The following H3-3A variants were observed in gnomAD, a reference collection of about 807,000 sequenced individuals.
The protein encoded by H3-3A is H3.3 histone A.
For missense variants in H3-3A, 7 were observed against 184.0 expected, an observed-to-expected ratio of 0.04 and a Z score of 5.57; for synonymous variants, 49 against 61.4, an observed-to-expected ratio of 0.80 and a Z score of 0.95.
chr1:226,064,294 G>T, intron 1 of H3-3A, 35 bp from the exon 2 acceptor site: 1 of 1,519,854 alleles, frequency 6.6e-7, no homozygotes, highest in South Asian at 1.1e-5. Flanking sequence ...TTTGGTAGTT[G>T]CATATGGTGA....
chr1:226,066,729 T>C (rs1428036297), intron 3 of H3-3A: 1 of 152,500 alleles, frequency 6.6e-6, no homozygotes, highest in East Asian at 1.9e-4. Context: ...TAGGCACCAT[T>C]GCAGACCTGA....
intron 3 of H3-3A, among the ~76,000 whole-genome samples, chr1:226,067,873 TAGC>T (rs1200369656): frequency 2.0e-5 from 3 of 152,214 alleles, no homozygotes; most frequent in South Asian, 4.1e-4. Flanking sequence ...AACTAAAGGA[TAGC>T]AGGCAGTCCA....
intron 3 of H3-3A, chr1:226,067,110 A>G (rs776781609): frequency 6.6e-6 from 1 of 152,214 alleles, no homozygotes; most frequent in Non-Finnish European, 1.5e-5. Flanking sequence ...AGCTGCTAAT[A>G]TTTTCTAGTT....
At chr1:226,061,852 G>A (rs1444531811), upstream of H3-3A, 3 of 152,306 alleles carry the variant, frequency 2.0e-5, no homozygotes, top group Non-Finnish European at 4.4e-5. Context: ...AGAGGCCGAC[G>A]CGACACAGCC....
intron 3 of H3-3A, among the ~76,000 whole-genome samples, chr1:226,068,585 A>C (rs1024462163): frequency 6.6e-6 from 1 of 152,222 alleles, no homozygotes; most frequent in Non-Finnish European, 1.5e-5. Context: ...CACTTCTAGA[A>C]TATCTTAAGA....
At chr1:226,065,106 T>A (rs571774527) in intron 2 of H3-3A, among the ~76,000 whole-genome samples, 62 of 152,348 alleles carry the variant, frequency 4.1e-4, no homozygotes, top group African/African-American at 1.4e-3. Context: ...GACAATTACT[T>A]AGTAAAAAAA....
intron 1 of H3-3A, among the ~76,000 whole-genome samples, chr1:226,063,554 C>T (rs1303830709): frequency 6.6e-6 from 1 of 152,040 alleles, no homozygotes; most frequent in Non-Finnish European, 1.5e-5. Flanking sequence ...GGTCGGGGAG[C>T]CGAGTTGGTT....
intron 3 of H3-3A, among the ~76,000 whole-genome samples, chr1:226,069,246 C>T (rs951395643): frequency 9.2e-5 from 14 of 152,048 alleles, no homozygotes; most frequent in Non-Finnish European, 1.0e-4. Flanking sequence ...AAGGTTTCTC[C>T]GTGTTGGTCA....
upstream of H3-3A, among the ~76,000 whole-genome samples, chr1:226,062,456 G>C (rs984378683): frequency 6.6e-6 from 1 of 150,818 alleles, no homozygotes; most frequent in East Asian, 2.0e-4. Flanking sequence ...GGCAGTCTCG[G>C]CGGGAGCCGG....
upstream of H3-3A, chr1:226,062,616 G>T (rs1159220335): frequency 6.7e-6 from 1 of 150,104 alleles, no homozygotes; most frequent in Non-Finnish European, 1.5e-5. Context: ...GAGGAGCTAT[G>T]GGGGCGGGGC....
chr1:226,071,756 T>C lies in H3-3A; in HGVS notation c.*277T>C, dbSNP rs1658136521. On this transcript the variant is annotated 3_prime_UTR_variant, in exon 4 of 4. Transcript: ENST00000366815. ...TGAACAAGTTTCAGCGGTTCAACTT[T>C]ATAATAATTATAAATAAACCTGTTA... 8.8e-6 allele frequency: 2 copies of C among 226,916 alleles called. No individual in the cohort carries two copies. The highest frequency in any genetic ancestry group is 1.6e-5 in the Non-Finnish European group (2 of 121,546). The allele number at this position is 226,916 out of a possible 1,614,324, so 14.1% of individuals were successfully genotyped here.
rs941699415 is a variant in H3-3A at position 226,064,263 on chromosome 1, C to T, written c.-23-66C>T. ...TTTCCAGATTTGGGGAGGGGGTGATCGTGGCAGGAAAAGTTGTATGTTTGG... is the reference window on the plus strand; with the variant it reads ...TTTCCAGATTTGGGGAGGGGGTGATTGTGGCAGGAAAAGTTGTATGTTTGG... On this transcript the variant is annotated intron_variant, in intron 1 of 3. Coordinates refer to ENST00000366815, the MANE Select transcript of H3-3A (RefSeq NM_002107.7). 1.9e-5 allele frequency: 21 copies of T among 1,134,310 alleles called. No homozygotes were observed. In the South Asian group the frequency reaches 2.8e-4, roughly 15 times the overall value. 70.3% of individuals were successfully genotyped at this position (1,134,310 alleles called of 1,614,324 possible).
intron 3 of H3-3A, among the ~76,000 whole-genome samples, chr1:226,071,118 G>C (rs1658107440): frequency 6.6e-6 from 1 of 152,114 alleles, no homozygotes; most frequent in East Asian, 1.9e-4. Context: ...AAAGTAATTT[G>C]ATTTGTGTAA....
rs370230636 is a variant in H3-3A, at chr1:226,064,495, A to G, written c.128+16A>G. On this transcript the variant is annotated intron_variant, in intron 2 of 3. Coordinates refer to ENST00000366815, the MANE Select transcript of H3-3A (RefSeq NM_002107.7). ...ATCGTTACAGGTATTAAAAAACAGGAAAAAAATGGGACAAAGTCTCTCTTG... is the reference window on the plus strand; with the variant it reads ...ATCGTTACAGGTATTAAAAAACAGGGAAAAAATGGGACAAAGTCTCTCTTG... 144 of 1,594,146 alleles carry G rather than the reference A, an allele frequency of 9.0e-5. No individual in the cohort carries two copies. The Admixed American group carries it at 9.2e-4, about 10-fold the overall frequency.
intron 3 of H3-3A, among the ~76,000 whole-genome samples, chr1:226,070,772 CAGAAAGAA>C (rs896130655): frequency 7.1e-5 from 1 of 14,050 alleles, no homozygotes; most frequent in African/African-American, 1.3e-4. Context: ...GACTCCATCT[CAGAAAGAA>C]AGAAAGAAAT....
Position 226,065,718 on chromosome 1 carries a change from G to A in H3-3A, c.191G>A (p.Arg64His), listed in dbSNP as rs781452810. Reference protein sequence around the residue: ...RYQKSTELLIRKLPFQRLVRE... With the variant: ...RYQKSTELLIHKLPFQRLVRE... ...CAGAAGTCCACTGAACTTCTGATTC[G>A]CAAACTTCCCTTCCAGCGTCTGGTG... Residue 64 changes from arginine (R) to histidine (H), a missense_variant, in exon 3 of 4, where the codon CGC (arginine) becomes CAC (histidine). Coordinates refer to ENST00000366815, the MANE Select transcript of H3-3A (RefSeq NM_002107.7). 6.2e-7 allele frequency: 1 copy of A among 1,606,778 alleles called. No individual in the cohort carries two copies. Among genetic ancestry groups the A allele is most frequent in the Non-Finnish European group, 8.5e-7 (1 of 1,173,638 alleles).
At chr1:226,064,280 T>A in intron 1 of H3-3A, 49 bp from the exon 2 acceptor site, 1 of 1,358,300 alleles carries the variant, frequency 7.4e-7, no homozygotes, top group Admixed American at 1.9e-5. Context: ...GGAAAAGTTG[T>A]ATGTTTGGTA....
intron 3 of H3-3A, among the ~76,000 whole-genome samples, chr1:226,069,885 C>A (rs184832637): frequency 6.6e-6 from 1 of 152,306 alleles, no homozygotes; most frequent in Admixed American, 6.5e-5. Context: ...CTAAAAGATT[C>A]TTCAGCTTTT....
chr1:226,068,963 G>A (rs1029808260), intron 3 of H3-3A, among the ~76,000 whole-genome samples: 3 of 152,078 alleles, frequency 2.0e-5, no homozygotes, highest in South Asian at 2.1e-4. Context: ...AGAAACACAC[G>A]TGAAAATAGT....
Sources: gnomAD v4.1 joint callset for allele counts (sites outside exome capture counted in the v4.1 genomes callset) on GRCh38, gnomAD v4.1.1 for gene constraint, MANE v1.5 for transcripts, NCBI Gene and HGNC (gene_info 2026-07-23, HGNC 2026-07-21) for gene names.